The following LINGO2 variants were observed in gnomAD, a reference collection of about 807,000 sequenced individuals.
LINGO2 encodes the protein leucine rich repeat and Ig domain containing 2, also known as leucine-rich repeat and immunoglobulin-like domain-containing nogo receptor-interacting protein 2.
A neutral mutation model predicts 30.6 loss-of-function variants in LINGO2; 14 were observed. The ratio of observed to expected loss-of-function variants is 0.46; its 90% CI spans 0.30 to 0.72. The LOEUF is 0.72. Ranked by LOEUF, LINGO2 falls within the 30% of genes least tolerant of loss-of-function variation. The pLI is 0.07. For synonymous variants in LINGO2, 317 were observed against 288.5 expected, an observed-to-expected ratio of 1.10 and a Z score of -1.00; for missense variants, 729 against 751.7, an observed-to-expected ratio of 0.97 and a Z score of 0.35.
At chr9:28,488,528 T>G (rs1454791656) in intron 1 of LINGO2, among the ~76,000 whole-genome samples, 1 of 152,130 alleles carries the variant, frequency 6.6e-6, no homozygotes, top group African/African-American at 2.4e-5. Flanking sequence ...GTCTTAGCAC[T>G]GCCATTAATT....
intron 5 of LINGO2, 47 bp from the exon 7 acceptor site, chr9:27,950,753 A>T: frequency 8.7e-7 from 1 of 1,142,906 alleles, no homozygotes; most frequent in Non-Finnish European, 1.2e-6. Flanking sequence ...GTGAGTTAGG[A>T]TATAAATAGG....
chr9:28,699,201 T>C, the LINGO2 span, among the ~76,000 whole-genome samples: 1 of 152,058 alleles, frequency 6.6e-6, no homozygotes, highest in Non-Finnish European at 1.5e-5. Flanking sequence ...GTGTTGACAA[T>C]GTATAATGAC....
chr9:28,547,887 T>A (rs919831859), intron 1 of LINGO2, among the ~76,000 whole-genome samples: 2 of 152,120 alleles, frequency 1.3e-5, no homozygotes, highest in African/African-American at 4.8e-5. Context: ...CATAGGTAAG[T>A]TTCTAAGTTG....
At chr9:28,306,609 A>G (rs1177125955) in intron 3 of LINGO2, among the ~76,000 whole-genome samples, 1 of 152,162 alleles carries the variant, frequency 6.6e-6, no homozygotes, top group East Asian at 1.9e-4. Context: ...AGAGACACAA[A>G]AAACCCTTCA....
chr9:28,893,744 T>C, the LINGO2 span, among the ~76,000 whole-genome samples: 1 of 151,960 alleles, frequency 6.6e-6, no homozygotes, highest in Non-Finnish European at 1.5e-5. Flanking sequence ...TTTTTAATGG[T>C]TTGATTTTTT....
At chr9:28,726,613 T>C in the LINGO2 span, among the ~76,000 whole-genome samples, 10 of 152,124 alleles carry the variant, frequency 6.6e-5, no homozygotes, top group African/African-American at 2.2e-4. Context: ...GTGATTTTTA[T>C]AAAAAACAGC....
chr9:28,371,843 G>A (rs1020120748), intron 3 of LINGO2, among the ~76,000 whole-genome samples: 2 of 152,182 alleles, frequency 1.3e-5, no homozygotes, highest in African/African-American at 4.8e-5. Flanking sequence ...GCTGAGGAAT[G>A]TTAGGGAAAC....
the LINGO2 span, among the ~76,000 whole-genome samples, chr9:28,914,893 G>T: frequency 6.6e-6 from 1 of 152,312 alleles, no homozygotes; most frequent in East Asian, 1.9e-4. Flanking sequence ...AGCACTTTGG[G>T]AGGCCGAGGC....
the LINGO2 span, among the ~76,000 whole-genome samples, chr9:28,927,108 G>A: frequency 6.6e-6 from 1 of 152,138 alleles, no homozygotes; most frequent in African/African-American, 2.4e-5. Flanking sequence ...TCCTGAAAAA[G>A]AGAACATATC....
chr9:29,118,647 G>A, the LINGO2 span, among the ~76,000 whole-genome samples: 9 of 152,152 alleles, frequency 5.9e-5, no homozygotes, highest in African/African-American at 2.2e-4. Context: ...CAGATCAAAA[G>A]CAGCCCCAAC....
chr9:28,083,514 A>G (rs186160974), intron 4 of LINGO2, among the ~76,000 whole-genome samples: 1 of 152,276 alleles, frequency 6.6e-6, no homozygotes, highest in East Asian at 1.9e-4. Flanking sequence ...CACATTTTAC[A>G]GTTTCCTCTG....
intron 1 of LINGO2, among the ~76,000 whole-genome samples, chr9:28,600,123 G>T (rs1209138205): frequency 6.6e-6 from 1 of 152,146 alleles, no homozygotes; most frequent in Non-Finnish European, 1.5e-5. Context: ...TGATCATTCA[G>T]TGAGAATGAT....
intron 5 of LINGO2, among the ~76,000 whole-genome samples, chr9:27,952,207 A>AT (rs1289129957): frequency 6.6e-6 from 1 of 152,058 alleles, no homozygotes; most frequent in African/African-American, 2.4e-5. Context: ...TACACAAACC[A>AT]TTTAGAAAAT....
the LINGO2 span, among the ~76,000 whole-genome samples, chr9:28,826,111 T>A: frequency 6.6e-6 from 1 of 152,236 alleles, no homozygotes; most frequent in South Asian, 2.1e-4. Context: ...AAATGGGTAT[T>A]GAACTGTAAG....
the LINGO2 span, among the ~76,000 whole-genome samples, chr9:28,744,641 T>TGTGTGTGTGTGTGTGTG: frequency 5.0e-4 from 52 of 104,036 alleles, no homozygotes; most frequent in Middle Eastern, 4.3e-3. Flanking sequence ...TGTGTGTGTA[T>TGTGTGTGTGTGTGTGTG]TTTTTTTTTT....
chr9:28,768,309 T>G, the LINGO2 span, among the ~76,000 whole-genome samples: 1 of 152,184 alleles, frequency 6.6e-6, no homozygotes. Context: ...ACATTCGAAC[T>G]GGTATCTTAA....
chr9:28,933,277 T>C, the LINGO2 span, among the ~76,000 whole-genome samples: 3 of 152,168 alleles, frequency 2.0e-5, no homozygotes. Context: ...ATTTTCAACA[T>C]ATCACCACCC....
intron 4 of LINGO2, among the ~76,000 whole-genome samples, chr9:28,253,276 A>T (rs1488437776): frequency 1.3e-5 from 2 of 152,070 alleles, no homozygotes; most frequent in Admixed American, 6.6e-5. Context: ...GCCCAATGGG[A>T]AAGTCCATCA....
At chr9:28,137,893 T>A (rs1489090151) in intron 4 of LINGO2, among the ~76,000 whole-genome samples, 1 of 152,178 alleles carries the variant, frequency 6.6e-6, no homozygotes, top group Non-Finnish European at 1.5e-5. Flanking sequence ...TATGTGAGAA[T>A]ATTTTTGATT....
Sources: gnomAD v4.1 joint callset for allele counts (sites outside exome capture counted in the v4.1 genomes callset) on GRCh38, gnomAD v4.1.1 for gene constraint, MANE v1.5 for transcripts, NCBI Gene and HGNC (gene_info 2026-07-23, HGNC 2026-07-21) for gene names.